The following CHSY3 variants were observed in gnomAD, a reference collection of about 807,000 sequenced individuals.
CHSY3 encodes chondroitin sulfate synthase 3, also known as N-acetylgalactosaminyl-proteoglycan 3-beta-glucuronosyltransferase 3.
In CHSY3, 35 loss-of-function variants were observed where a neutral mutation model predicts 67.2. That is an observed-to-expected ratio of 0.52 (90% CI 0.40 to 0.69). The LOEUF (loss-of-function observed/expected upper bound fraction) is 0.69. CHSY3 is among the 30% of genes least tolerant of loss of function. CHSY3 has a pLI of 0.00. For synonymous variants in CHSY3, 474 were observed against 434.7 expected, an observed-to-expected ratio of 1.09 and a Z score of -1.12; for missense variants, 1,069 against 1,138.5, an observed-to-expected ratio of 0.94 and a Z score of 0.88.
Position 129,989,871 on chromosome 5 carries a change from G to T in CHSY3, c.1086+81511G>T, listed in dbSNP as rs144950809. Among the ~76,000 whole-genome samples the T allele has an allele frequency of 2.9e-3, 438 of 152,234 alleles. 3 individuals carry two copies. The highest frequency in any genetic ancestry group is 0.01 in the African/African-American group (423 of 41,558). Reference sequence around the variant, plus strand: ...ATAGATAGTAAATACTTCAGGCTTTGTATGCCATGTGTTACCTCTACACTA... The same window carrying T: ...ATAGATAGTAAATACTTCAGGCTTTTTATGCCATGTGTTACCTCTACACTA... On this transcript the variant is annotated intron_variant, in intron 2 of 2. Transcript: ENST00000305031.
intron 2 of CHSY3, chr5:130,001,669 G>T: frequency 1.4e-6 from 1 of 738,464 alleles, no homozygotes; most frequent in Non-Finnish European, 1.7e-6. Flanking sequence ...TAATTTATAA[G>T]CCTGCGTCTT....
At chr5:130,143,560 T>C (rs1327536129) in intron 2 of CHSY3, among the ~76,000 whole-genome samples, 1 of 151,350 alleles carries the variant, frequency 6.6e-6, no homozygotes, top group East Asian at 1.9e-4. Flanking sequence ...TTCTACTGGT[T>C]GATATTTGGG....
rs1386824600 is a variant in CHSY3, at chr5:130,184,921, A to C, written c.1779A>C (p.Ser593=). ...AGAGTATTAACAGTGAAACTCAGTC[A>C]TTCTCCTTTATATCTAATTCTTTAA... ...LVESINSETQ[S]FSFISNSLKI... Residue 593 remains serine (S), a synonymous_variant, in exon 3 of 3, where the codon TCA becomes TCC. Transcript: ENST00000305031. The C allele has an allele frequency of 6.5e-7, 1 of 1,544,544 alleles. No homozygotes were observed. Among genetic ancestry groups the C allele is most frequent in the Non-Finnish European group, 9.0e-7 (1 of 1,116,804 alleles).
At chr5:130,008,964 A>T (rs1763966594) in intron 2 of CHSY3, among the ~76,000 whole-genome samples, 1 of 152,202 alleles carries the variant, frequency 6.6e-6, no homozygotes, top group Non-Finnish European at 1.5e-5. Context: ...ATATGGGATT[A>T]TGTAAAGAGA....
intron 2 of CHSY3, among the ~76,000 whole-genome samples, chr5:130,021,972 A>G (rs563899041): frequency 6.6e-6 from 1 of 152,212 alleles, no homozygotes; most frequent in East Asian, 1.9e-4. Flanking sequence ...CATGGAGTAC[A>G]GGACTAATTA....
At chr5:129,920,829 T>C (rs1247469037) in intron 2 of CHSY3, among the ~76,000 whole-genome samples, 1 of 152,110 alleles carries the variant, frequency 6.6e-6, no homozygotes, top group African/African-American at 2.4e-5. Context: ...TTTTTTTCTT[T>C]TTTATTTAAG....
chr5:130,014,801 A>AAATTTCATG (rs1764170375), intron 2 of CHSY3, among the ~76,000 whole-genome samples: 1 of 152,198 alleles, frequency 6.6e-6, no homozygotes, highest in Non-Finnish European at 1.5e-5. Context: ...GCCCCAGCAA[A>AAATTTCATG]AATTTCATGA....
chr5:130,072,634 G>A (rs891491092), intron 2 of CHSY3, among the ~76,000 whole-genome samples: 1 of 151,966 alleles, frequency 6.6e-6, no homozygotes, highest in Non-Finnish European at 1.5e-5. Context: ...AGATTGCTTT[G>A]GCTATTTGGG....
intron 2 of CHSY3, among the ~76,000 whole-genome samples, chr5:130,088,022 A>G (rs1346769033): frequency 2.0e-5 from 3 of 152,206 alleles, no homozygotes; most frequent in Non-Finnish European, 4.4e-5. Flanking sequence ...AAACAGAGAT[A>G]TAGATCAATG....
At chr5:130,041,630 AAG>A (rs928550636) in intron 2 of CHSY3, among the ~76,000 whole-genome samples, 1 of 152,136 alleles carries the variant, frequency 6.6e-6, no homozygotes, top group Non-Finnish European at 1.5e-5. Context: ...GTGAAAGAGA[AAG>A]AGAGAAATAA....
chr5:130,116,892 T>A (rs537860519), intron 2 of CHSY3, among the ~76,000 whole-genome samples: 1 of 152,146 alleles, frequency 6.6e-6, no homozygotes, highest in South Asian at 2.1e-4. Context: ...AATAAGTTAT[T>A]GCAATAGAAA....
At chr5:130,134,843 A>ACCG (rs559075543) in intron 2 of CHSY3, among the ~76,000 whole-genome samples, 6 of 146,328 alleles carry the variant, frequency 4.1e-5, no homozygotes, top group African/African-American at 1.6e-4. Context: ...TTTACTTCCC[A>ACCG]CCCCCCCCAA....
At chr5:130,133,524 C>A (rs1438366233) in intron 2 of CHSY3, among the ~76,000 whole-genome samples, 3 of 151,946 alleles carry the variant, frequency 2.0e-5, no homozygotes, top group Non-Finnish European at 4.4e-5. Flanking sequence ...GTAATCCCAG[C>A]ACTTTGGGAG....
intron 2 of CHSY3, among the ~76,000 whole-genome samples, chr5:130,072,318 GA>G (rs1766101121): frequency 6.6e-6 from 1 of 152,096 alleles, no homozygotes; most frequent in South Asian, 2.1e-4. Flanking sequence ...ATTTTGAGTT[GA>G]TTTTTGTGTG....
chr5:129,926,260 A>G (rs1761105777), intron 2 of CHSY3, among the ~76,000 whole-genome samples: 1 of 152,000 alleles, frequency 6.6e-6, no homozygotes, highest in Non-Finnish European at 1.5e-5. Context: ...ACATGATATT[A>G]TTTGTCAAGC....
At chr5:130,143,154 T>G (rs1288970900) in intron 2 of CHSY3, among the ~76,000 whole-genome samples, 2 of 152,186 alleles carry the variant, frequency 1.3e-5, no homozygotes, top group Non-Finnish European at 2.9e-5. Context: ...GCCTAGTGAT[T>G]GCCTTACCCA....
intron 2 of CHSY3, among the ~76,000 whole-genome samples, chr5:129,945,268 CT>C (rs1480959708): frequency 1.3e-5 from 2 of 152,202 alleles, no homozygotes; most frequent in African/African-American, 4.8e-5. Context: ...GAACATGGCA[CT>C]TGTGCCTGTT....
intron 2 of CHSY3, among the ~76,000 whole-genome samples, chr5:130,097,732 G>A (rs547618653): frequency 3.3e-5 from 5 of 152,170 alleles, no homozygotes; most frequent in Non-Finnish European, 7.4e-5. Flanking sequence ...GGCAGGACGC[G>A]GTGGCTCACG....
chr5:130,113,259 G>T (rs1185639315), intron 2 of CHSY3, among the ~76,000 whole-genome samples: 1 of 152,046 alleles, frequency 6.6e-6, no homozygotes, highest in African/African-American at 2.4e-5. Flanking sequence ...TATTTCAGCT[G>T]CAAAATCTCA....
Sources: gnomAD v4.1 joint callset for allele counts (sites outside exome capture counted in the v4.1 genomes callset) on GRCh38, gnomAD v4.1.1 for gene constraint, MANE v1.5 for transcripts, NCBI Gene and HGNC (gene_info 2026-07-23, HGNC 2026-07-21) for gene names.